ERBB4: variants seen among roughly 807,000 people sequenced by gnomAD.
ERBB4 encodes erb-b2 receptor tyrosine kinase 4.
A neutral mutation model predicts 158.0 loss-of-function variants in ERBB4; 42 were observed. The observed-to-expected ratio is 0.27, with a 90% confidence interval of 0.21 to 0.34. The LOEUF is 0.34. Among genes scored for constraint, ERBB4 ranks in the 10% least tolerant of loss-of-function variants. The pLI, the probability that ERBB4 is intolerant of heterozygous loss-of-function variation, is 1.00. For missense variants in ERBB4, 1,333 were observed against 1,624.1 expected, an observed-to-expected ratio of 0.82 and a Z score of 3.08; for synonymous variants, 583 against 558.7, an observed-to-expected ratio of 1.04 and a Z score of -0.61.
intron 1 of ERBB4, among the ~76,000 whole-genome samples, chr2:212,255,428 A>T (rs191897634): frequency 6.6e-6 from 1 of 152,288 alleles, no homozygotes; most frequent in African/African-American, 2.4e-5. Flanking sequence ...TCTGCCAATT[A>T]TGTTTGTTGT....
chr2:212,337,626 A>G (rs1332366001), intron 1 of ERBB4, among the ~76,000 whole-genome samples: 3 of 152,090 alleles, frequency 2.0e-5, no homozygotes, highest in African/African-American at 7.2e-5. Flanking sequence ...TGTCTGGAGT[A>G]AAGTCTGAGA....
chr2:212,190,389 T>C (rs1288876700), intron 1 of ERBB4, among the ~76,000 whole-genome samples: 3 of 151,928 alleles, frequency 2.0e-5, no homozygotes, highest in Non-Finnish European at 4.4e-5. Context: ...ACAAAAAAAT[T>C]AGCCGGGCGT....
At chr2:211,425,081 A>T (rs954293978) in intron 22 of ERBB4, among the ~76,000 whole-genome samples, 2 of 152,168 alleles carry the variant, frequency 1.3e-5, no homozygotes, top group African/African-American at 4.8e-5. Context: ...TATACACTAA[A>T]TATCTTTTTT....
At chr2:212,532,099 AT>A (rs540579235) in intron 1 of ERBB4, among the ~76,000 whole-genome samples, 2 of 152,114 alleles carry the variant, frequency 1.3e-5, no homozygotes, top group African/African-American at 2.4e-5. Context: ...TTGTTTCCTT[AT>A]TTTTTTATGT....
chr2:211,441,932 T>C (rs1217716279), intron 20 of ERBB4, among the ~76,000 whole-genome samples: 2 of 152,140 alleles, frequency 1.3e-5, no homozygotes, highest in African/African-American at 4.8e-5. Flanking sequence ...CCATGGGAAA[T>C]TGACATATTT....
intron 1 of ERBB4, among the ~76,000 whole-genome samples, chr2:212,206,967 C>T: frequency 7.1e-6 from 1 of 141,658 alleles, no homozygotes; most frequent in African/African-American, 2.6e-5. Flanking sequence ...TTATGGACTG[C>T]AATTAACCAT....
chr2:212,325,194 A>G (rs993229002), intron 1 of ERBB4, among the ~76,000 whole-genome samples: 2 of 150,740 alleles, frequency 1.3e-5, no homozygotes, highest in Admixed American at 6.6e-5. Context: ...CTCCTGTTTA[A>G]TCTCTTATAA....
At chr2:212,334,354 T>G (rs998735887) in intron 1 of ERBB4, among the ~76,000 whole-genome samples, 2 of 152,050 alleles carry the variant, frequency 1.3e-5, no homozygotes, top group African/African-American at 2.4e-5. Context: ...ATTTGAAATT[T>G]TGTTCATTGA....
intron 20 of ERBB4, among the ~76,000 whole-genome samples, chr2:211,431,758 C>T (rs2063752816): frequency 6.6e-6 from 1 of 152,064 alleles, no homozygotes; most frequent in Non-Finnish European, 1.5e-5. Flanking sequence ...TTTGTAATGA[C>T]ACTGAAATTA....
intron 1 of ERBB4, among the ~76,000 whole-genome samples, chr2:212,179,325 C>A (rs1253966030): frequency 8.2e-6 from 1 of 121,930 alleles, no homozygotes; most frequent in African/African-American, 3.1e-5. Context: ...ACAGTCCAAT[C>A]CAGAAAACAT....
chr2:212,102,343 G>T (rs1318495405), intron 2 of ERBB4, among the ~76,000 whole-genome samples: 1 of 151,396 alleles, frequency 6.6e-6, no homozygotes, highest in Non-Finnish European at 1.5e-5. Context: ...AATAAACGGG[G>T]AAAACATTTT....
chr2:212,116,739 G>T (rs1457037140), intron 2 of ERBB4, among the ~76,000 whole-genome samples: 2 of 152,024 alleles, frequency 1.3e-5, no homozygotes, highest in Admixed American at 1.3e-4. Context: ...TCAGCCTATT[G>T]AAAATATTTT....
Position 211,719,868 on chromosome 2 carries a change from GAAAAAAA to G in ERBB4, c.883+2518_883+2524del, listed in dbSNP as rs56887696. Among the ~76,000 whole-genome samples the G allele has an allele frequency of 6.5e-5, 5 of 76,790 alleles. No homozygotes were observed. In the South Asian group the frequency reaches 1.5e-3, roughly 23 times the overall value. The allele number at this position is 76,790 out of a possible 152,430, so 50.4% of individuals were successfully genotyped here. A position where few individuals can be genotyped will look rare whatever the true frequency, so the allele number is the denominator to read the frequency against. On this transcript the variant is annotated intron_variant, in intron 7 of 27. Coordinates refer to ENST00000342788, the MANE Select transcript of ERBB4 (RefSeq NM_005235.3). ...AGATTCTGTCTCAAAACAAAGAAAAGAAAAAAAAAAAAAAAAAGGAAAGTGTTTTTGT... is the reference window on the plus strand; with the variant it reads ...AGATTCTGTCTCAAAACAAAGAAAAGAAAAAAAAAAGGAAAGTGTTTTTGT...
At position 212,255,638 on chromosome 2, in the gene ERBB4, T is replaced by C. The variant is rs184406918; in HGVS notation, c.83-130735A>G. On this transcript the variant is annotated intron_variant, in intron 1 of 27. Transcript: ENST00000342788. ...TTTTAAATATTTGCATTATATACAC[T>C]TACTGGTAGAGCATCCCTAAGCTGA... 7.2e-5 allele frequency among the ~76,000 whole-genome samples: 11 copies of C among 152,272 alleles called. No individual in the cohort carries two copies. The East Asian group carries it at 1.7e-3, about 24-fold the overall frequency.
intron 16 of ERBB4, among the ~76,000 whole-genome samples, chr2:211,635,138 G>T (rs1309496352): frequency 5.3e-5 from 8 of 152,056 alleles, no homozygotes; most frequent in Non-Finnish European, 8.8e-5. Context: ...CATTAAAAAT[G>T]GTTGAGACCC....
chr2:211,785,262 C>T (rs1379133063), intron 4 of ERBB4, among the ~76,000 whole-genome samples: 8 of 151,962 alleles, frequency 5.3e-5, no homozygotes, highest in Non-Finnish European at 1.0e-4. Flanking sequence ...CCACCACGCC[C>T]GGCTAATTTT....
intron 2 of ERBB4, among the ~76,000 whole-genome samples, chr2:211,973,403 A>G (rs898349649): frequency 1.3e-5 from 2 of 152,072 alleles, no homozygotes; most frequent in Non-Finnish European, 2.9e-5. Flanking sequence ...GGGTTTCACC[A>G]TGTTAGTCAG....
chr2:212,102,088 TTTTATA>T (rs1007517546), intron 2 of ERBB4, among the ~76,000 whole-genome samples: 6 of 25,510 alleles, frequency 2.4e-4, no homozygotes, highest in African/African-American at 1.5e-3. Flanking sequence ...TGAAAATTTA[TTTTATA>T]TATATATATA....
intron 2 of ERBB4, among the ~76,000 whole-genome samples, chr2:211,963,136 C>T (rs530100844): frequency 6.6e-6 from 1 of 152,076 alleles, no homozygotes; most frequent in South Asian, 2.1e-4. Context: ...TGGTTCTCAA[C>T]TGGGGTGTTT....
Sources: allele counts gnomAD v4.1 joint callset (sites outside exome capture counted in the v4.1 genomes callset), GRCh38; gene constraint gnomAD v4.1.1; transcripts MANE v1.5; gene names NCBI Gene and HGNC (gene_info 2026-07-23, HGNC 2026-07-21).